The following NCAPD3 variants were observed in gnomAD, a reference collection of about 807,000 sequenced individuals.
NCAPD3 encodes the protein non-SMC condensin II complex subunit D3, also known as condensin-2 complex subunit D3.
A neutral mutation model predicts 182.9 loss-of-function variants in NCAPD3; 105 were observed. The observed-to-expected ratio is 0.57, with a 90% confidence interval of 0.49 to 0.68. The LOEUF (loss-of-function observed/expected upper bound fraction) is 0.68. Ranked by LOEUF, NCAPD3 falls within the 30% of genes least tolerant of loss-of-function variation. The pLI is 0.00. For missense variants in NCAPD3, 1,944 were observed against 1,837.0 expected (o/e 1.06, Z -1.07); for synonymous variants, 815 against 679.9 (o/e 1.20, Z -3.09).
At chr11:134,161,989 T>A (rs1028186878) in intron 27 of NCAPD3, 98 bp from the exon 28 acceptor site, 3 of 608,014 alleles carry the variant, frequency 4.9e-6, no homozygotes, top group Non-Finnish European at 8.5e-6. Context: ...CCTACCACAC[T>A]ATGTAAGTTT....
intron 13 of NCAPD3, among the ~76,000 whole-genome samples, chr11:134,195,551 T>TA (rs1383860989): frequency 6.6e-6 from 1 of 152,134 alleles, no homozygotes; most frequent in Non-Finnish European, 1.5e-5. Context: ...TACTTTTTCA[T>TA]AAAAAATAAC....
Position 134,158,458 on chromosome 11 carries a change from C to T in NCAPD3, c.3905G>A (p.Gly1302Asp). The change falls in exon 30 of 35, where the codon GGC becomes GAC. Residue 1302 changes from glycine to aspartate, a missense_variant. By Grantham distance (94) the Gly-to-Asp change is moderately conservative (BLOSUM62 -1). Transcript: ENST00000534548. Reference sequence around the variant, plus strand: ...AGGTGACATGGCAGGGTTTTCTTGGCCAGCAGGAACTGGCACTGTTTCTAA... The same window carrying T: ...AGGTGACATGGCAGGGTTTTCTTGGTCAGCAGGAACTGGCACTGTTTCTAA... ...LCLETVPVPAGQENPAMSPAV... is the reference protein window; with the variant it reads ...LCLETVPVPADQENPAMSPAV... The T allele has an allele frequency of 6.2e-7, 1 of 1,614,056 alleles. No individual in the cohort carries two copies. The highest frequency in any genetic ancestry group is 8.5e-7 in the Non-Finnish European group (1 of 1,180,024).
At chr11:134,162,016 A>G in intron 27 of NCAPD3, 125 bp from the exon 28 acceptor site, 1 of 570,790 alleles carries the variant, frequency 1.8e-6, no homozygotes, top group Admixed American at 3.6e-5. Context: ...GCTTTTCATT[A>G]TGATACTGGA....
intron 20 of NCAPD3, among the ~76,000 whole-genome samples, chr11:134,180,161 A>C (rs1008843334): frequency 1.3e-5 from 2 of 152,018 alleles, no homozygotes; most frequent in African/African-American, 4.8e-5. Flanking sequence ...TGGTGCTCTT[A>C]CCTAAAGCAC....
chr11:134,206,746 G>T lies in NCAPD3; in HGVS notation c.883-14C>A, dbSNP rs1338465468. ...ACAACTGATGACCTAGAAGAGAAAA[G>T]AAAATTCAATTTAAGATCGGATGGA... On this transcript the variant is annotated splice_polypyrimidine_tract_variant and intron_variant, in intron 7 of 34. Coordinates refer to ENST00000534548, the MANE Select transcript of NCAPD3 (RefSeq NM_015261.3). 2.5e-6 allele frequency: 4 copies of T among 1,595,984 alleles called. No homozygotes were observed. Among genetic ancestry groups the T allele is most frequent in the Non-Finnish European group, 2.6e-6 (3 of 1,173,230 alleles).
At chr11:134,186,576 T>A (rs1006377348) in intron 16 of NCAPD3, among the ~76,000 whole-genome samples, 1 of 152,236 alleles carries the variant, frequency 6.6e-6, no homozygotes, top group Admixed American at 6.5e-5. Context: ...TGGGATCATA[T>A]GATTCATGAG....
At chr11:134,210,157 G>A in intron 4 of NCAPD3, 113 bp downstream of exon 4, 2 of 858,936 alleles carry the variant, frequency 2.3e-6, no homozygotes, top group Non-Finnish European at 3.7e-6. Context: ...TGATGGTTTA[G>A]GACCATTTGC....
intron 3 of NCAPD3, 123 bp from the exon 4 acceptor site, chr11:134,210,577 C>A: frequency 1.2e-6 from 1 of 859,768 alleles, no homozygotes; most frequent in Non-Finnish European, 1.8e-6. Flanking sequence ...AACAATGAAC[C>A]TGTAGCAAGA....
At chr11:134,217,221 T>A in intron 2 of NCAPD3, 123 bp from the exon 3 acceptor site, 1 of 784,138 alleles carries the variant, frequency 1.3e-6, no homozygotes, top group Non-Finnish European at 1.8e-6. Flanking sequence ...TGGCTCCTAC[T>A]GCTAAATGTT....
rs977643638 is a variant in NCAPD3 at position 134,151,509 on chromosome 11, G to T, written c.*1435C>A. ...TCTACACTAGTGCCATGGGAACCAG[G>T]TCTGAAAAAGTAGAGAGAAGTGAAA... On this transcript the variant is annotated 3_prime_UTR_variant, in exon 35 of 35. Transcript: ENST00000534548. 6.6e-6 allele frequency: 1 copy of T among 152,192 alleles called. No homozygotes were observed. Among genetic ancestry groups the T allele is most frequent in the African/African-American group, 2.4e-5 (1 of 41,442 alleles). 9.4% of individuals were successfully genotyped at this position (152,192 alleles called of 1,614,324 possible). A position where few individuals can be genotyped will look rare whatever the true frequency, so the allele number is the denominator to read the frequency against.
chr11:134,168,249 G>C (rs1454742103), intron 26 of NCAPD3, 54 bp from the exon 27 acceptor site: 2 of 1,550,934 alleles, frequency 1.3e-6, no homozygotes, highest in Non-Finnish European at 8.9e-7. Context: ...CTCTGGCCCA[G>C]AGAGGAGGTG....
chr11:134,155,639 G>C (rs766557682), intron 32 of NCAPD3, among the ~76,000 whole-genome samples: 1 of 152,122 alleles, frequency 6.6e-6, no homozygotes, highest in Non-Finnish European at 1.5e-5. Context: ...ACTGACATCA[G>C]GGACTCAGGA....
chr11:134,223,160 A>C, intron 1 of NCAPD3: 2 of 499,488 alleles, frequency 4.0e-6, no homozygotes, highest in Non-Finnish European at 7.2e-6. Context: ...AAAGGTGTAC[A>C]GGCTTGACAC....
At position 134,152,898 on chromosome 11, in the gene NCAPD3, TTCC is replaced by T. The variant is rs769869938; in HGVS notation, c.*43_*45del. 3 of 1,433,060 alleles carry T rather than the reference TTCC, an allele frequency of 2.1e-6. No homozygotes were observed. The highest frequency in any genetic ancestry group is 2.3e-5 in the Admixed American group (1 of 44,396). The allele number at this position is 1,433,060 out of a possible 1,614,324, so 88.8% of individuals were successfully genotyped here. On this transcript the variant is annotated 3_prime_UTR_variant, in exon 35 of 35. Transcript: ENST00000534548. ...CTTCACACGGAGGACACGAGACTGCTTCCTCAAGGGCTCCTGCCTGCCTGGACA... is the reference window on the plus strand; with the variant it reads ...CTTCACACGGAGGACACGAGACTGCTTCAAGGGCTCCTGCCTGCCTGGACA...
intron 27 of NCAPD3, among the ~76,000 whole-genome samples, 173 bp downstream of exon 27, chr11:134,167,823 A>G (rs1943898671): frequency 7.5e-6 from 1 of 134,218 alleles, no homozygotes; most frequent in Non-Finnish European, 1.5e-5. Context: ...GGGGAGCAGC[A>G]CACTCACTTG....
Position 134,203,651 on chromosome 11 carries a change from C to G in NCAPD3, c.1468+3G>C. The G allele has an allele frequency of 6.2e-7, 1 of 1,610,934 alleles. No individual in the cohort carries two copies. The highest frequency in any genetic ancestry group is 8.5e-7 in the Non-Finnish European group (1 of 1,179,568). ...TTACTGTCCCAATAGTCGCCATACT[C>G]ACTGTTAATCAGGAGCTCCAGGATA... is the stretch of plus-strand genomic sequence containing the variant. On this transcript the variant is annotated splice_donor_region_variant and intron_variant, in intron 11 of 34. Transcript: ENST00000534548.
intron 19 of NCAPD3, 56 bp downstream of exon 19, chr11:134,184,581 A>G: frequency 3.2e-6 from 4 of 1,236,542 alleles, no homozygotes; most frequent in Non-Finnish European, 3.4e-6. Context: ...AAACACATAC[A>G]GTAACATCCT....
chr11:134,157,176 C>G, intron 31 of NCAPD3, 81 bp from the exon 32 acceptor site: 2 of 1,108,132 alleles, frequency 1.8e-6, no homozygotes, highest in Non-Finnish European at 2.6e-6. Flanking sequence ...GAAAACATAT[C>G]TGCAAGACGT....
intron 24 of NCAPD3, among the ~76,000 whole-genome samples, chr11:134,173,992 A>G (rs1277879793): frequency 1.3e-5 from 2 of 151,922 alleles, no homozygotes; most frequent in African/African-American, 2.4e-5. Flanking sequence ...AAAAAAACAA[A>G]ACAAAAACAA....
Sources: allele counts gnomAD v4.1 joint callset (sites outside exome capture counted in the v4.1 genomes callset), GRCh38; gene constraint gnomAD v4.1.1; transcripts MANE v1.5; gene names NCBI Gene and HGNC (gene_info 2026-07-23, HGNC 2026-07-21).